Variants in PXK observed in about 807,000 individuals in gnomAD.
PXK encodes the protein PX domain-containing protein kinase-like protein.
A neutral mutation model predicts 84.7 loss-of-function variants in PXK; 35 were observed. The observed-to-expected ratio is 0.41, with a 90% CI of 0.32 to 0.55. The LOEUF (loss-of-function observed/expected upper bound fraction) is 0.55, where lower values mean the gene tolerates loss of function less well. Ranked by LOEUF, PXK falls within the 20% of genes least tolerant of loss-of-function variation. The pLI is 0.21. For missense variants in PXK, 634 were observed against 699.7 expected (o/e 0.91, Z 1.06); for synonymous variants, 253 against 260.8 (o/e 0.97, Z 0.29).
Position 58,397,188 on chromosome 3 carries a change from C to T in PXK, c.972C>T (p.Phe324=), listed in dbSNP as rs545151349. 4.3e-5 allele frequency: 70 copies of T among 1,614,000 alleles called. No individual in the cohort carries two copies. The highest frequency in any genetic ancestry group is 3.1e-4 in the South Asian group (28 of 91,078). Residue 324 remains phenylalanine (F), a synonymous_variant, in exon 10 of 18, where the codon TTC becomes TTT. Transcript: ENST00000356151. The surrounding 1 kb of genome is among the most constrained non-coding windows in gnomAD (Gnocchi z 4.7). ...PSFYRSYFSQ[F]RKINTLESVD... Reference sequence around the variant, plus strand: ...TCTACCGATCTTATTTTTCACAATTCAGGAAAATCAATGTAAGTTGCTAAA... The same window carrying T: ...TCTACCGATCTTATTTTTCACAATTTAGGAAAATCAATGTAAGTTGCTAAA...
chr3:58,334,801 TC>T (rs1319467579), intron 1 of PXK, among the ~76,000 whole-genome samples: 1 of 152,196 alleles, frequency 6.6e-6, no homozygotes, highest in Non-Finnish European at 1.5e-5. Flanking sequence ...TAATCCAACT[TC>T]AACCTTACTA....
intron 1 of PXK, among the ~76,000 whole-genome samples, chr3:58,352,077 G>A (rs1056554835): frequency 6.6e-6 from 1 of 152,230 alleles, no homozygotes; most frequent in Admixed American, 6.5e-5. Flanking sequence ...CAGTCGTTGG[G>A]CTTCGTTCCA....
At chr3:58,408,724 G>T (rs866736348) in intron 13 of PXK, among the ~76,000 whole-genome samples, 200 bp from the exon 14 acceptor site, 1 of 152,166 alleles carries the variant, frequency 6.6e-6, no homozygotes, top group Non-Finnish European at 1.5e-5. Context: ...GGATTTCACC[G>T]TGTTAGCCAG....
At chr3:58,340,623 G>A (rs2097712708) in intron 1 of PXK, among the ~76,000 whole-genome samples, 1 of 152,062 alleles carries the variant, frequency 6.6e-6, no homozygotes, top group Non-Finnish European at 1.5e-5. Flanking sequence ...CTACTCGGGA[G>A]CCTGAGGCAG....
chr3:58,365,003 T>G (rs1209677597), intron 1 of PXK, among the ~76,000 whole-genome samples: 2 of 152,056 alleles, frequency 1.3e-5, no homozygotes, highest in Non-Finnish European at 2.9e-5. Context: ...TCTATTTCTT[T>G]GTTTTCAATT....
intron 17 of PXK, among the ~76,000 whole-genome samples, chr3:58,417,017 G>A (rs571508384): frequency 6.6e-6 from 1 of 152,292 alleles, no homozygotes; most frequent in East Asian, 1.9e-4. Flanking sequence ...TGATCCTCCT[G>A]CCTCAGCCTT....
chr3:58,352,201 A>T (rs2097944074), intron 1 of PXK, among the ~76,000 whole-genome samples: 1 of 152,178 alleles, frequency 6.6e-6, no homozygotes, highest in Non-Finnish European at 1.5e-5. Flanking sequence ...CTCCTCCTTC[A>T]GGTTCCAGAA....
At chr3:58,423,392 T>C in intron 17 of PXK, 4 of 1,502,972 alleles carry the variant, frequency 2.7e-6, no homozygotes, top group South Asian at 1.2e-5. Flanking sequence ...TTTATTTGTA[T>C]TGCTATCTTT....
At chr3:58,408,127 G>A (rs2059659654) in intron 13 of PXK, among the ~76,000 whole-genome samples, 1 of 152,164 alleles carries the variant, frequency 6.6e-6, no homozygotes, top group Non-Finnish European at 1.5e-5. Context: ...TGAATACACT[G>A]TCCTTTCCCC....
intron 1 of PXK, among the ~76,000 whole-genome samples, chr3:58,365,444 G>C (rs1337083944): frequency 2.0e-5 from 3 of 152,214 alleles, no homozygotes; most frequent in African/African-American, 7.2e-5. Flanking sequence ...TGGAAAGAAT[G>C]TGTATTCTGC....
intron 7 of PXK, 81 bp downstream of exon 7, chr3:58,391,928 C>G: frequency 1.5e-6 from 2 of 1,313,082 alleles, no homozygotes; most frequent in Non-Finnish European, 2.2e-6. Context: ...GACAGAAAAG[C>G]TGGAAAACAG....
intron 2 of PXK, 47 bp from the exon 3 acceptor site, chr3:58,369,384 A>C: frequency 1.4e-6 from 2 of 1,433,046 alleles, no homozygotes; most frequent in Non-Finnish European, 2.0e-6. Context: ...AGAAATGAAA[A>C]GAGATAGTCT....
intron 17 of PXK, among the ~76,000 whole-genome samples, chr3:58,417,098 G>T (rs928257016): frequency 5.9e-5 from 9 of 152,224 alleles, no homozygotes; most frequent in African/African-American, 2.2e-4. Context: ...AGAGACAGGG[G>T]TCTCATCATG....
chr3:58,333,186 C>CG lies in PXK; in HGVS notation c.102+98dup. The CG allele has an allele frequency of 6.9e-6, 5 of 726,380 alleles. No individual in the cohort carries two copies. Among genetic ancestry groups the CG allele is most frequent in the Non-Finnish European group, 8.5e-6 (5 of 588,758 alleles). 45.0% of individuals were successfully genotyped at this position (726,380 alleles called of 1,614,324 possible). A position where few individuals can be genotyped will look rare whatever the true frequency, so the allele number is the denominator to read the frequency against. ...GCGCGGGCCGGGCAGGGTCGTCGGA[C>CG]GGAGACCGGGCCACAGGGTGGGCGG... On this transcript the variant is annotated intron_variant, in intron 1 of 17. Coordinates refer to ENST00000356151, the MANE Select transcript of PXK (RefSeq NM_017771.5). This position sits in a 1 kb window ranked among gnomAD's most constrained non-coding sequence, Gnocchi z 5.4.
chr3:58,336,813 C>CT (rs531978322), intron 1 of PXK, among the ~76,000 whole-genome samples: 1 of 152,018 alleles, frequency 6.6e-6, no homozygotes, highest in Non-Finnish European at 1.5e-5. Flanking sequence ...CAGTTTTCTC[C>CT]TTTTTTTGGG....
intron 1 of PXK, among the ~76,000 whole-genome samples, chr3:58,363,981 T>G (rs1464074396): frequency 6.6e-6 from 1 of 152,234 alleles, no homozygotes; most frequent in Non-Finnish European, 1.5e-5. Context: ...TTTTTCTGCA[T>G]CATTTGATAC....
intron 17 of PXK, chr3:58,413,789 T>A (rs776559590): frequency 4.6e-5 from 7 of 152,228 alleles, no homozygotes; most frequent in Non-Finnish European, 1.0e-4. Context: ...CTACAAGCTG[T>A]GTGAAGGGAG....
rs575857844 is a variant in PXK, at chr3:58,334,095, C to A, written c.102+1005C>A. Among the ~76,000 whole-genome samples the A allele has an allele frequency of 3.3e-5, 5 of 152,262 alleles. No homozygotes were observed. In the South Asian group the frequency reaches 8.3e-4, roughly 25 times the overall value. On this transcript the variant is annotated intron_variant, in intron 1 of 17. Transcript: ENST00000356151. The stretch of plus-strand genomic sequence containing the variant: ...CATTGCAGTGTGTTTGGGGGGTCAT[C>A]ATCTGGAGGCTAAAGCTCACAATAG...
intron 4 of PXK, among the ~76,000 whole-genome samples, chr3:58,386,560 G>A (rs1345779823): frequency 2.6e-5 from 4 of 152,028 alleles, no homozygotes; most frequent in Admixed American, 2.0e-4. Context: ...CTCCCAAAGC[G>A]CTGGGATTAC....
Sources: gnomAD v4.1 joint callset for allele counts (sites outside exome capture counted in the v4.1 genomes callset) on GRCh38, gnomAD v4.1.1 for gene constraint, Gnocchi (gnomAD v3.1) non-coding constraint, MANE v1.5 for transcripts, NCBI Gene and HGNC (gene_info 2026-07-23, HGNC 2026-07-21) for gene names.